DSCAM: variants seen among roughly 807,000 people sequenced by gnomAD.
DSCAM encodes the protein DS cell adhesion molecule, also known as cell adhesion molecule DSCAM.
A neutral mutation model predicts 217.7 loss-of-function variants in DSCAM; 47 were observed. The observed-to-expected ratio is 0.22, with a 90% CI of 0.17 to 0.28. The LOEUF (loss-of-function observed/expected upper bound fraction) is 0.28. Among genes scored for constraint, DSCAM ranks in the 10% least tolerant of loss-of-function variants. DSCAM has a pLI of 1.00. For synonymous variants in DSCAM, 1,056 were observed against 1,015.3 expected, an observed-to-expected ratio of 1.04 and a Z score of -0.76; for missense variants, 2,080 against 2,618.3, an observed-to-expected ratio of 0.79 and a Z score of 4.49.
At chr21:40,687,821 T>C (rs2090497512) in intron 3 of DSCAM, among the ~76,000 whole-genome samples, 1 of 152,012 alleles carries the variant, frequency 6.6e-6, no homozygotes, top group Non-Finnish European at 1.5e-5. Flanking sequence ...TGCAGGAATC[T>C]CCCCAAGCAT....
At chr21:40,142,235 C>T (rs1485624670) in intron 18 of DSCAM, among the ~76,000 whole-genome samples, 1 of 152,170 alleles carries the variant, frequency 6.6e-6, no homozygotes, top group African/African-American at 2.4e-5. Context: ...ACATATCACA[C>T]AGAATGTTCT....
intron 3 of DSCAM, among the ~76,000 whole-genome samples, chr21:40,651,723 G>A (rs1038901050): frequency 2.0e-5 from 3 of 152,180 alleles, no homozygotes; most frequent in Non-Finnish European, 4.4e-5. Flanking sequence ...CAACACTGTT[G>A]ACTGATTGCT....
At chr21:40,190,093 T>C (rs948536742) in intron 11 of DSCAM, among the ~76,000 whole-genome samples, 8 of 152,302 alleles carry the variant, frequency 5.3e-5, no homozygotes, top group African/African-American at 1.7e-4. Flanking sequence ...CCTGTCCTTC[T>C]TCCATAACTT....
chr21:40,632,087 G>T (rs1162451437), intron 3 of DSCAM, among the ~76,000 whole-genome samples: 2 of 152,220 alleles, frequency 1.3e-5, no homozygotes, highest in African/African-American at 4.8e-5. Flanking sequence ...GAGTTTGCAA[G>T]GGTAGTGCCC....
intron 1 of DSCAM, among the ~76,000 whole-genome samples, chr21:40,813,321 T>G (rs986589505): frequency 2.6e-5 from 4 of 152,202 alleles, no homozygotes; most frequent in African/African-American, 9.6e-5. Flanking sequence ...TCTAAATAAC[T>G]GTGGTATATG....
intron 3 of DSCAM, among the ~76,000 whole-genome samples, chr21:40,628,784 G>C (rs2089641134): frequency 6.6e-6 from 1 of 151,918 alleles, no homozygotes. Flanking sequence ...GTCTTGATCT[G>C]TCACCCAGGC....
rs531879010 is a variant in DSCAM, at chr21:40,106,659, G to T, written c.3697-12785C>A. Among the ~76,000 whole-genome samples the T allele has an allele frequency of 2.0e-5, 3 of 152,194 alleles. No individual in the cohort carries two copies. The East Asian group carries it at 5.8e-4, about 29-fold the overall frequency. On this transcript the variant is annotated intron_variant, in intron 20 of 32. Coordinates refer to ENST00000400454, the MANE Select transcript of DSCAM (RefSeq NM_001389.5). The stretch of plus-strand genomic sequence containing the variant: ...GCCTCAACTTCAGAACTCATTATTG[G>T]TATGTTCGGGGATTCAATTTCTTCC...
intron 3 of DSCAM, among the ~76,000 whole-genome samples, chr21:40,692,068 G>C (rs1283947304): frequency 6.6e-6 from 1 of 152,238 alleles, no homozygotes; most frequent in Non-Finnish European, 1.5e-5. Flanking sequence ...TCGGAACACA[G>C]ACTATGCTCC....
chr21:40,675,299 G>T (rs1036640367), intron 3 of DSCAM, among the ~76,000 whole-genome samples: 1 of 152,214 alleles, frequency 6.6e-6, no homozygotes, highest in Non-Finnish European at 1.5e-5. Context: ...AGGTCAGCAG[G>T]CTGGAGTAGA....
chr21:40,608,288 A>G (rs369292665), intron 3 of DSCAM, among the ~76,000 whole-genome samples: 5 of 152,360 alleles, frequency 3.3e-5, no homozygotes, highest in African/African-American at 1.2e-4. Context: ...ATAAAAATTA[A>G]TATTTTGAAA....
At chr21:40,461,665 G>T (rs941567501) in intron 3 of DSCAM, among the ~76,000 whole-genome samples, 1 of 152,202 alleles carries the variant, frequency 6.6e-6, no homozygotes, top group African/African-American at 2.4e-5. Context: ...AGTTAAGGTT[G>T]CTCCTCAGCT....
At chr21:40,071,025 C>G (rs1171462848) in intron 27 of DSCAM, among the ~76,000 whole-genome samples, 1 of 152,200 alleles carries the variant, frequency 6.6e-6, no homozygotes, top group Non-Finnish European at 1.5e-5. Context: ...TGCAGGTTGA[C>G]CCACACTAAC....
rs148946069 is a variant in DSCAM at position 40,039,720 on chromosome 21, AT to A, written c.5686+2650del. Among the ~76,000 whole-genome samples, 1,351 of 152,284 alleles carry A rather than the reference AT, an allele frequency of 8.9e-3. 17 individuals carry two copies. The highest frequency in any genetic ancestry group is 0.018 in the Admixed American group (268 of 15,284). The stretch of plus-strand genomic sequence containing the variant: ...TGAAGATAACTAAGACATATTTCCT[AT>A]TTTTCTGAAGCCACAGTCTGGCCAA... On this transcript the variant is annotated intron_variant, in intron 32 of 32. Coordinates refer to ENST00000400454, the MANE Select transcript of DSCAM (RefSeq NM_001389.5).
At chr21:40,052,958 C>T (rs1213024904) in intron 29 of DSCAM, among the ~76,000 whole-genome samples, 1 of 152,144 alleles carries the variant, frequency 6.6e-6, no homozygotes, top group African/African-American at 2.4e-5. Context: ...TTTTTTACTC[C>T]AAGGGAGACT....
chr21:40,087,017 T>C (rs1188216536), intron 22 of DSCAM, among the ~76,000 whole-genome samples, 153 bp downstream of exon 22: 1 of 152,200 alleles, frequency 6.6e-6, no homozygotes, highest in African/African-American at 2.4e-5. Flanking sequence ...TGAGATTCCT[T>C]CTCTGCCCTC....
At chr21:40,470,992 G>A (rs1050592834) in intron 3 of DSCAM, among the ~76,000 whole-genome samples, 11 of 152,058 alleles carry the variant, frequency 7.2e-5, no homozygotes, top group South Asian at 2.1e-4. Context: ...ACATTTTCAC[G>A]GTTTTCCTCC....
intron 1 of DSCAM, among the ~76,000 whole-genome samples, chr21:40,831,581 A>C (rs780937196): frequency 4.6e-5 from 7 of 152,232 alleles, no homozygotes; most frequent in Non-Finnish European, 4.4e-5. Flanking sequence ...ATATTTTGGC[A>C]TTGAGAAAAT....
chr21:40,573,128 G>A (rs1181054681), intron 3 of DSCAM, among the ~76,000 whole-genome samples: 1 of 152,140 alleles, frequency 6.6e-6, no homozygotes, highest in East Asian at 1.9e-4. Flanking sequence ...ATGAGGTCAG[G>A]AGATCGAGAC....
At chr21:40,395,252 T>A (rs138904685) in intron 3 of DSCAM, among the ~76,000 whole-genome samples, 1 of 152,258 alleles carries the variant, frequency 6.6e-6, no homozygotes, top group African/African-American at 2.4e-5. Context: ...TTTATTTTTA[T>A]TTTAATGAAA....
Sources: gnomAD v4.1 joint callset for allele counts (sites outside exome capture counted in the v4.1 genomes callset) on GRCh38, gnomAD v4.1.1 for gene constraint, MANE v1.5 for transcripts, NCBI Gene and HGNC (gene_info 2026-07-23, HGNC 2026-07-21) for gene names.